VAX2: variants seen among roughly 807,000 people sequenced by gnomAD.
VAX2 encodes ventral anterior homeobox 2.
In VAX2, 8 loss-of-function variants were observed where a neutral mutation model predicts 12.5. That is an observed-to-expected ratio of 0.64 (90% CI 0.37 to 1.15). The LOEUF (loss-of-function observed/expected upper bound fraction) is 1.15, where lower values mean the gene tolerates loss of function less well. VAX2 is among the 50% of genes most tolerant of loss of function. VAX2 has a pLI of 0.01. For synonymous variants in VAX2, 183 were observed against 187.6 expected, an observed-to-expected ratio of 0.98 and a Z score of 0.20; for missense variants, 476 against 412.9, an observed-to-expected ratio of 1.15 and a Z score of -1.32.
chr2:70,919,045 T>C (rs1679380611), intron 1 of VAX2, among the ~76,000 whole-genome samples: 1 of 148,522 alleles, frequency 6.7e-6, no homozygotes, highest in Non-Finnish European at 1.5e-5. Flanking sequence ...CTACCAAAAA[T>C]ACAAAAATTA....
At position 70,921,230 on chromosome 2, in the gene VAX2, T is replaced by C. The variant is rs1553412816; in HGVS notation, c.380T>C (p.Val127Ala). 3 of 1,613,396 alleles carry C rather than the reference T, an allele frequency of 1.9e-6. No individual in the cohort carries two copies. In the East Asian group the frequency reaches 6.7e-5, roughly 36 times the overall value. ...ATGGAGTTCCAGCGCTGCCAGTATG[T>C]GGTGGGCCGCGAGCGCACTGAGCTG... ...LEMEFQRCQY[V>A]VGRERTELAR... The change falls in exon 2 of 3, where the codon GTG (valine) becomes GCG (alanine). Residue 127 changes from valine to alanine, a missense_variant. Transcript: ENST00000234392.
At chr2:70,917,453 T>G (rs72913633) in intron 1 of VAX2, among the ~76,000 whole-genome samples, 3,231 of 152,250 alleles carry the variant, frequency 0.021, 125 homozygotes, top group African/African-American at 0.073. Flanking sequence ...ACTGCCTGGC[T>G]AGTAGTACCA....
chr2:70,917,156 A>AAAG (rs1459886719), intron 1 of VAX2, among the ~76,000 whole-genome samples: 11 of 147,978 alleles, frequency 7.4e-5, no homozygotes, highest in African/African-American at 2.5e-4. Context: ...TGTCTCAAAA[A>AAAG]AAAAAAAAAA....
chr2:70,905,606 A>T (rs782551571), intron 1 of VAX2, among the ~76,000 whole-genome samples: 3 of 152,108 alleles, frequency 2.0e-5, no homozygotes, highest in Non-Finnish European at 4.4e-5. Context: ...TTCCCTCCTC[A>T]GGCGATTTCT....
rs912044065 is a variant in VAX2 at position 70,921,276 on chromosome 2, C to T, written c.426C>T (p.Ser142=). The part of the protein sequence containing the change: ...RTELARQLNL[S]ETQVKVWFQN... ...AGCTGGCCCGCCAGCTGAACCTCTCCGAGACCCAGGTAAGAGACCAGGGCC... is the reference window on the plus strand; with the variant it reads ...AGCTGGCCCGCCAGCTGAACCTCTCTGAGACCCAGGTAAGAGACCAGGGCC... Residue 142 remains serine (S), a synonymous_variant, in exon 2 of 3, where the codon TCC becomes TCT. Coordinates refer to ENST00000234392, the MANE Select transcript of VAX2 (RefSeq NM_012476.3). 9.9e-6 allele frequency: 16 copies of T among 1,608,664 alleles called. No individual in the cohort carries two copies. The highest frequency in any genetic ancestry group is 5.1e-5 in the Admixed American group (3 of 58,856).
rs782637124 is a variant in VAX2, at chr2:70,933,060, C to T, written c.729C>T (p.Pro243=). The change falls in exon 3 of 3, where the codon CCC becomes CCT. Residue 243 remains proline (P), a synonymous_variant. Coordinates refer to ENST00000234392, the MANE Select transcript of VAX2 (RefSeq NM_012476.3). ...CCTCAGCGTCCCCCCCACTGCCGCCCCCTCTGCCAGCTGTCTGCTTTTCCT... is the reference window on the plus strand; with the variant it reads ...CCTCAGCGTCCCCCCCACTGCCGCCTCCTCTGCCAGCTGTCTGCTTTTCCT... ...SSASASPPLP[P]PLPAVCFSSA... is the part of the protein sequence containing the mutation. The T allele has an allele frequency of 2.3e-5, 37 of 1,607,684 alleles. No homozygotes were observed. The South Asian group carries it at 3.6e-4, about 15-fold the overall frequency.
chr2:70,903,205 A>C (rs560693863), intron 1 of VAX2, among the ~76,000 whole-genome samples: 1 of 152,284 alleles, frequency 6.6e-6, no homozygotes, highest in East Asian at 1.9e-4. Context: ...ATAGGCCTTC[A>C]ATACACTTTG....
chr2:70,922,549 C>T (rs1211061902), intron 2 of VAX2, among the ~76,000 whole-genome samples: 2 of 151,766 alleles, frequency 1.3e-5, no homozygotes, highest in Non-Finnish European at 2.9e-5. Context: ...GGAAGTCCTC[C>T]TGGTCCCCTT....
At position 70,932,882 on chromosome 2, in the gene VAX2, G is replaced by A. The variant is rs782482672; in HGVS notation, c.551G>A (p.Arg184Gln). Residue 184 changes from arginine (R) to glutamine (Q), a missense_variant, in exon 3 of 3, where the codon CGG becomes CAG. Physicochemically the swap from Arg to Gln is conservative, Grantham distance 43 (BLOSUM62 1). Coordinates refer to ENST00000234392, the MANE Select transcript of VAX2 (RefSeq NM_012476.3). ...GCCTTTGCCACCTCCAACATTCTGC[G>A]GCTGCTGGAGCAGGGCCGGCTGCTC... The part of the protein sequence containing the change: ...SEAFATSNIL[R>Q]LLEQGRLLSV... 1.1e-5 allele frequency: 18 copies of A among 1,613,364 alleles called. No individual in the cohort carries two copies. The East Asian group carries it at 1.3e-4, about 12-fold the overall frequency.
At chr2:70,909,439 C>A (rs1679135790) in intron 1 of VAX2, among the ~76,000 whole-genome samples, 4 of 152,074 alleles carry the variant, frequency 2.6e-5, no homozygotes, top group Admixed American at 2.6e-4. Context: ...TGGCCTCAAG[C>A]AATCCTCCCA....
intron 2 of VAX2, among the ~76,000 whole-genome samples, chr2:70,925,101 A>G (rs569800661): frequency 6.6e-6 from 1 of 152,310 alleles, no homozygotes; most frequent in Admixed American, 6.5e-5. Flanking sequence ...AGAAGGCCAG[A>G]GTGGCTGGAG....
chr2:70,921,166 C>G lies in VAX2; in HGVS notation c.316C>G (p.Arg106Gly), dbSNP rs782145651. 4 of 1,613,500 alleles carry G rather than the reference C, an allele frequency of 2.5e-6. No homozygotes were observed. Among genetic ancestry groups the G allele is most frequent in the Admixed American group, 3.3e-5 (2 of 59,964 alleles). The change falls in exon 2 of 3, where the codon CGT becomes GGT. Residue 106 changes from arginine to glycine, a missense_variant. Physicochemically the swap from Arg to Gly is moderately radical, Grantham distance 125 (BLOSUM62 -2). Transcript: ENST00000234392. ...GLDLDRPKRT[R>G]TSFTAEQLYR... ...GGACCTGGACCGGCCCAAGCGGACA[C>G]GTACATCCTTCACTGCCGAGCAGCT...
At chr2:70,928,547 C>T (rs1232710815) in intron 2 of VAX2, among the ~76,000 whole-genome samples, 1 of 152,194 alleles carries the variant, frequency 6.6e-6, no homozygotes, top group East Asian at 1.9e-4. Context: ...GACGCCCAAA[C>T]CCAGCACCAG....
At chr2:70,927,121 A>G (rs1679591282) in intron 2 of VAX2, among the ~76,000 whole-genome samples, 1 of 152,024 alleles carries the variant, frequency 6.6e-6, no homozygotes, top group Admixed American at 6.6e-5. Flanking sequence ...AGTTTTATTT[A>G]TTTTTGTTTT....
intron 2 of VAX2, among the ~76,000 whole-genome samples, chr2:70,926,106 C>T (rs1553413501): frequency 6.6e-6 from 1 of 151,892 alleles, no homozygotes; most frequent in Non-Finnish European, 1.5e-5. Context: ...CAGTTGTCTG[C>T]AGATTTAAAT....
At chr2:70,917,852 G>A (rs1272203031) in intron 1 of VAX2, among the ~76,000 whole-genome samples, 2 of 152,104 alleles carry the variant, frequency 1.3e-5, no homozygotes, top group African/African-American at 4.8e-5. Flanking sequence ...CTTATTAAGG[G>A]GAGGGTAAGA....
chr2:70,913,218 G>A (rs954740142), intron 1 of VAX2, among the ~76,000 whole-genome samples: 1 of 152,148 alleles, frequency 6.6e-6, no homozygotes, highest in Non-Finnish European at 1.5e-5. Flanking sequence ...CTTCACTCCT[G>A]CTTCCAAGAC....
chr2:70,903,094 A>T (rs969855798), intron 1 of VAX2, among the ~76,000 whole-genome samples: 1 of 152,180 alleles, frequency 6.6e-6, no homozygotes, highest in Admixed American at 6.5e-5. Context: ...TGTTACTGGC[A>T]GTCCCACCAT....
rs372554272 is a variant in VAX2, at chr2:70,906,423, C to T, written c.247+5555C>T. Among the ~76,000 whole-genome samples, 9 of 148,684 alleles carry T rather than the reference C, an allele frequency of 6.1e-5. No individual in the cohort carries two copies. In the East Asian group the frequency reaches 1.0e-3, roughly 17 times the overall value. ...GAAGGAGTGTGCTATAAGGCCCTGG[C>T]GGAGGCTTGGGCTTGTAAAGGCTCA... On this transcript the variant is annotated intron_variant, in intron 1 of 2. Coordinates refer to ENST00000234392, the MANE Select transcript of VAX2 (RefSeq NM_012476.3).
Sources: allele counts gnomAD v4.1 joint callset (sites outside exome capture counted in the v4.1 genomes callset), GRCh38; gene constraint gnomAD v4.1.1; transcripts MANE v1.5; gene names NCBI Gene and HGNC (gene_info 2026-07-23, HGNC 2026-07-21).